DOP1B: variants seen among roughly 807,000 people sequenced by gnomAD.
The protein encoded by DOP1B is DOP1 leucine zipper like protein B.
A neutral mutation model predicts 233.5 loss-of-function variants in DOP1B; 174 were observed. That is an observed-to-expected ratio of 0.75 (90% confidence interval 0.66 to 0.85). The LOEUF is 0.85. DOP1B is among the 40% of genes least tolerant of loss of function. The pLI is 0.00. For missense variants in DOP1B, 2,652 were observed against 2,846.6 expected (o/e 0.93, Z 1.56); for synonymous variants, 1,190 against 1,185.6 (o/e 1.00, Z -0.08).
At chr21:36,270,551 T>TTAA (rs1569063490) in intron 27 of DOP1B, among the ~76,000 whole-genome samples, 27 of 18,888 alleles carry the variant, frequency 1.4e-3, no homozygotes, top group African/African-American at 5.7e-3. Context: ...AGACTCCGTC[T>TTAA]CAAAAAAAAA....
At chr21:36,292,344 C>T in intron 36 of DOP1B, 111 bp downstream of exon 36, 1 of 815,110 alleles carries the variant, frequency 1.2e-6, no homozygotes, top group Non-Finnish European at 1.8e-6. Context: ...GCAGCCTCCA[C>T]CTCCCAGGTT....
At chr21:36,239,604 T>C (rs567274501) in intron 17 of DOP1B, among the ~76,000 whole-genome samples, 161 bp from the exon 18 acceptor site, 1 of 152,278 alleles carries the variant, frequency 6.6e-6, no homozygotes, top group South Asian at 2.1e-4. Context: ...GAAACCAAAG[T>C]TGAGTCCCCA....
At position 36,232,936 on chromosome 21, in the gene DOP1B, C is replaced by T. The variant is rs775709171; in HGVS notation, c.2483C>T (p.Ala828Val). 10 of 1,614,006 alleles carry T rather than the reference C, an allele frequency of 6.2e-6. No homozygotes were observed. The highest frequency in any genetic ancestry group is 4.5e-5 in the East Asian group (2 of 44,884). ...LEVINHSQSL[A>V]LVIEDKMKRY... Reference sequence around the variant, plus strand: ...GTGATAAACCATTCCCAGTCCCTGGCGCTTGTCATTGAAGACAAGATGAAA... The same window carrying T: ...GTGATAAACCATTCCCAGTCCCTGGTGCTTGTCATTGAAGACAAGATGAAA... Residue 828 changes from alanine to valine, a missense_variant, in exon 15 of 37, where the codon GCG becomes GTG. Physicochemically the swap from Ala to Val is moderately conservative, Grantham distance 64. This residue lies in a region of DOP1B where 2,617 missense variants were observed against 2,794.3 expected (regional missense o/e 0.94). Transcript: ENST00000691173.
intron 24 of DOP1B, among the ~76,000 whole-genome samples, chr21:36,262,222 AAT>A (rs1452787219): frequency 6.6e-6 from 1 of 152,162 alleles, no homozygotes; most frequent in African/African-American, 2.4e-5. Flanking sequence ...TGTGACAGCG[AAT>A]ATATATTGCG....
chr21:36,158,587 A>G (rs2065841358), intron 1 of DOP1B, among the ~76,000 whole-genome samples: 1 of 151,928 alleles, frequency 6.6e-6, no homozygotes, highest in South Asian at 2.1e-4. Flanking sequence ...GGTGGATCAC[A>G]AGGTCAGGAG....
At chr21:36,165,747 A>G (rs1006220919) in intron 2 of DOP1B, among the ~76,000 whole-genome samples, 3 of 133,126 alleles carry the variant, frequency 2.3e-5, no homozygotes, top group African/African-American at 5.7e-5. Flanking sequence ...AGACAGTCTC[A>G]CTCTGTTGCC....
At chr21:36,215,715 C>T (rs534691792) in intron 9 of DOP1B, among the ~76,000 whole-genome samples, 13 of 149,494 alleles carry the variant, frequency 8.7e-5, no homozygotes, top group East Asian at 8.4e-4. Context: ...CTCTCCCTCA[C>T]TTTAAAAAGA....
chr21:36,273,682 G>A (rs1253755035), intron 27 of DOP1B, among the ~76,000 whole-genome samples: 28 of 152,122 alleles, frequency 1.8e-4, no homozygotes, highest in East Asian at 3.9e-4. Context: ...TAGACCCAGC[G>A]ACCTGAAGAC....
rs367754041 is a variant in DOP1B, at chr21:36,164,404, T to C, written c.-26-304T>C. On this transcript the variant is annotated intron_variant, in intron 1 of 36. Coordinates refer to ENST00000691173, the MANE Select transcript of DOP1B (RefSeq NM_001320714.2). The stretch of plus-strand genomic sequence containing the variant: ...AAAATTACCGGCTGGCAACAACATA[T>C]AGTCTAGCAGCTTTGGAGCTTTGAT... The C allele has an allele frequency of 6.9e-5, 12 of 173,862 alleles. No individual in the cohort carries two copies. In the East Asian group the frequency reaches 1.8e-3, roughly 26 times the overall value. 10.8% of individuals were successfully genotyped at this position (173,862 alleles called of 1,614,324 possible).
intron 2 of DOP1B, among the ~76,000 whole-genome samples, chr21:36,171,739 A>G (rs963471374): frequency 6.6e-6 from 1 of 152,196 alleles, no homozygotes; most frequent in African/African-American, 2.4e-5. Context: ...ACATGAGAGA[A>G]TACATTTCTG....
At chr21:36,223,160 G>T in intron 10 of DOP1B, 71 bp from the exon 11 acceptor site, 1 of 1,496,496 alleles carries the variant, frequency 6.7e-7, no homozygotes, top group Non-Finnish European at 8.9e-7. Context: ...ATCAATTACA[G>T]TTTTTTGGAC....
Position 36,270,116 on chromosome 21 carries a change from A to G in DOP1B, c.5591A>G (p.Gln1864Arg), listed in dbSNP as rs1450673421. The G allele has an allele frequency of 3.7e-6, 6 of 1,614,166 alleles. No individual in the cohort carries two copies. The highest frequency in any genetic ancestry group is 4.2e-6 in the Non-Finnish European group (5 of 1,180,038). ...SRNLEVKAQP[Q>R]ASLEESDAEE... Reference sequence around the variant, plus strand: ...AACCTGGAAGTGAAGGCCCAACCTCAGGCCTCTCTAGAAGAATCTGATGCT... The same window carrying G: ...AACCTGGAAGTGAAGGCCCAACCTCGGGCCTCTCTAGAAGAATCTGATGCT... Residue 1864 changes from glutamine to arginine, a missense_variant, in exon 27 of 37, where the codon CAG (glutamine) becomes CGG (arginine). Gln to Arg is a conservative substitution (Grantham distance 43, BLOSUM62 1). Around this residue, in one of 3 missense-constraint regions of DOP1B, gnomAD observed 2,617 missense variants for 2,794.3 expected, o/e 0.94. Transcript: ENST00000691173.
rs768195451 is a variant in DOP1B at position 36,208,819 on chromosome 21, C to T, written c.596C>T (p.Ala199Val). The T allele has an allele frequency of 1.2e-6, 2 of 1,604,834 alleles. No homozygotes were observed. The highest frequency in any genetic ancestry group is 2.7e-5 in the African/African-American group (2 of 74,746). ...VLASPSIRLPASVFVVGHINR... is the reference protein window; with the variant it reads ...VLASPSIRLPVSVFVVGHINR... ...GCCAGCCCGTCCATCCGCCTCCCTG[C>T]CTCAGTCTTCGTGGTGGGCCACATC... The change falls in exon 5 of 37, where the codon GCC becomes GTC. Residue 199 changes from alanine to valine, a missense_variant. By Grantham distance (64) the Ala-to-Val change is moderately conservative (BLOSUM62 0). This residue lies in a region of DOP1B where 2,617 missense variants were observed against 2,794.3 expected (regional missense o/e 0.94). Transcript: ENST00000691173.
At chr21:36,292,402 A>G (rs944681443) in intron 36 of DOP1B, among the ~76,000 whole-genome samples, 169 bp downstream of exon 36, 2 of 151,584 alleles carry the variant, frequency 1.3e-5, no homozygotes, top group Non-Finnish European at 2.9e-5. Context: ...GATTACAGGA[A>G]TGTGCCACCA....
intron 15 of DOP1B, 126 bp from the exon 16 acceptor site, chr21:36,237,136 G>A (rs1229670776): frequency 5.4e-6 from 7 of 1,295,472 alleles, no homozygotes; most frequent in Non-Finnish European, 7.6e-6. Context: ...TGAGCATGGA[G>A]GATTCTCACA....
chr21:36,290,344 G>A (rs1340092596), intron 35 of DOP1B, among the ~76,000 whole-genome samples: 2 of 152,122 alleles, frequency 1.3e-5, no homozygotes, highest in Non-Finnish European at 2.9e-5. Context: ...GGCCAACATG[G>A]CGAAACCCTG....
At chr21:36,173,538 C>T (rs1410283025) in intron 2 of DOP1B, among the ~76,000 whole-genome samples, 2 of 151,750 alleles carry the variant, frequency 1.3e-5, no homozygotes, top group Non-Finnish European at 2.9e-5. Context: ...CCTCCTGCCT[C>T]AGCCTCCCGA....
At chr21:36,250,225 C>T (rs2067016523) in intron 21 of DOP1B, among the ~76,000 whole-genome samples, 2 of 152,172 alleles carry the variant, frequency 1.3e-5, no homozygotes, top group South Asian at 4.1e-4. Context: ...ATTGCTGGCT[C>T]AGTTGTATCT....
intron 26 of DOP1B, among the ~76,000 whole-genome samples, chr21:36,267,799 A>G (rs1569061850): frequency 6.6e-6 from 1 of 152,076 alleles, no homozygotes; most frequent in Non-Finnish European, 1.5e-5. Context: ...GACATCACGT[A>G]TCAGTAGGAC....
Sources: allele counts gnomAD v4.1 joint callset (sites outside exome capture counted in the v4.1 genomes callset), GRCh38; gene constraint gnomAD v4.1.1; regional missense constraint gnomAD v4.1.1; transcripts MANE v1.5; gene names NCBI Gene and HGNC (gene_info 2026-07-23, HGNC 2026-07-21).